The following ARHGAP15 variants were observed in gnomAD, a reference collection of about 807,000 sequenced individuals.
ARHGAP15 encodes the protein rho GTPase-activating protein 15.
ARHGAP15 carries 51 observed loss-of-function variants against 63.7 expected under a neutral mutation model. That is an observed-to-expected ratio of 0.80 (90% confidence interval 0.64 to 1.01). ARHGAP15 has a LOEUF of 1.01. Ranked by LOEUF, ARHGAP15 falls within the 50% of genes least tolerant of loss-of-function variation. ARHGAP15 has a pLI of 0.00. For missense variants in ARHGAP15, 560 were observed against 564.6 expected (o/e 0.99, Z 0.08); for synonymous variants, 191 against 193.8 (o/e 0.99, Z 0.12).
intron 2 of ARHGAP15, among the ~76,000 whole-genome samples, chr2:143,179,302 A>G (rs1344595266): frequency 2.0e-5 from 3 of 152,222 alleles, no homozygotes; most frequent in Admixed American, 1.3e-4. Flanking sequence ...AAAGAGCACT[A>G]TATCATAGAA....
chr2:143,202,807 C>A (rs996346668), intron 3 of ARHGAP15, among the ~76,000 whole-genome samples: 1 of 151,924 alleles, frequency 6.6e-6, no homozygotes, highest in Non-Finnish European at 1.5e-5. Flanking sequence ...AAAAATTAAT[C>A]GACTCAACAT....
chr2:143,305,750 G>A (rs922314207), intron 6 of ARHGAP15, among the ~76,000 whole-genome samples: 1 of 151,898 alleles, frequency 6.6e-6, no homozygotes. Context: ...TGAACTCTTT[G>A]GAAAAAATAA....
At chr2:143,191,649 G>C (rs1418848862) in intron 2 of ARHGAP15, among the ~76,000 whole-genome samples, 1 of 152,180 alleles carries the variant, frequency 6.6e-6, no homozygotes, top group African/African-American at 2.4e-5. Flanking sequence ...TGAGAGAAAT[G>C]ATTTATCAGG....
chr2:143,609,392 T>C (rs1287401324), intron 11 of ARHGAP15, among the ~76,000 whole-genome samples: 2 of 152,196 alleles, frequency 1.3e-5, no homozygotes, highest in Non-Finnish European at 2.9e-5. Flanking sequence ...AGTAGGAATT[T>C]CCATGCTTTT....
chr2:143,421,277 G>A (rs1457256479), intron 6 of ARHGAP15, among the ~76,000 whole-genome samples: 2 of 152,166 alleles, frequency 1.3e-5, no homozygotes, highest in Non-Finnish European at 2.9e-5. Context: ...CCCACACAGG[G>A]TTATTGATCA....
chr2:143,390,388 C>T (rs1687484563), intron 6 of ARHGAP15, among the ~76,000 whole-genome samples: 1 of 152,146 alleles, frequency 6.6e-6, no homozygotes, highest in Non-Finnish European at 1.5e-5. Context: ...AGCTAAAGCT[C>T]ATCTGTCCCT....
At chr2:143,535,846 T>C (rs1226615024) in intron 10 of ARHGAP15, among the ~76,000 whole-genome samples, 2 of 152,196 alleles carry the variant, frequency 1.3e-5, no homozygotes, top group African/African-American at 2.4e-5. Flanking sequence ...CTTGCCACTT[T>C]AGAAAGTCAC....
At chr2:143,626,383 G>A (rs758429595) in intron 12 of ARHGAP15, among the ~76,000 whole-genome samples, 17 of 152,168 alleles carry the variant, frequency 1.1e-4, no homozygotes, top group Non-Finnish European at 1.6e-4. Flanking sequence ...TATTGTGTCA[G>A]GACGTGGTTC....
At position 143,626,809 on chromosome 2, in the gene ARHGAP15, C is replaced by T. The variant is rs563141834; in HGVS notation, c.1138+2542C>T. On this transcript the variant is annotated intron_variant, in intron 12 of 13. Transcript: ENST00000295095. The stretch of plus-strand genomic sequence containing the variant: ...AAGACAGAAAAGTTCTCCAAGTCCC[C>T]GCTCGACCCAGGAATTCCAGCTGGC... Among the ~76,000 whole-genome samples, 28 of 152,216 alleles carry T rather than the reference C, an allele frequency of 1.8e-4. No individual in the cohort carries two copies. The East Asian group carries it at 3.9e-3, about 21-fold the overall frequency.
Position 143,483,097 on chromosome 2 carries a change from C to T in ARHGAP15, c.704-4276C>T, listed in dbSNP as rs145059050. On this transcript the variant is annotated intron_variant, in intron 8 of 13. Transcript: ENST00000295095. Reference sequence around the variant, plus strand: ...TTTCTCAGTATGTATGAGAAGGAAACAAGATAAAGCATTTAAAAACATATT... The same window carrying T: ...TTTCTCAGTATGTATGAGAAGGAAATAAGATAAAGCATTTAAAAACATATT... Among the ~76,000 whole-genome samples, 170 of 152,274 alleles carry T rather than the reference C, an allele frequency of 1.1e-3. 2 individuals are homozygous for T. In the Middle Eastern group the frequency reaches 0.017, roughly 15 times the overall value.
chr2:143,712,513 G>A (rs1347291524), intron 13 of ARHGAP15, among the ~76,000 whole-genome samples: 1 of 152,046 alleles, frequency 6.6e-6, no homozygotes, highest in Non-Finnish European at 1.5e-5. Context: ...TGCCTCCAAG[G>A]GACCGTGTGA....
chr2:143,176,411 A>G (rs1226104405), intron 2 of ARHGAP15, among the ~76,000 whole-genome samples: 2 of 152,196 alleles, frequency 1.3e-5, no homozygotes, highest in Admixed American at 1.3e-4. Context: ...ATTGATATTC[A>G]TATGCAGAAG....
At chr2:143,510,494 C>T (rs1259889327) in intron 9 of ARHGAP15, among the ~76,000 whole-genome samples, 3 of 152,200 alleles carry the variant, frequency 2.0e-5, no homozygotes, top group Admixed American at 1.3e-4. Flanking sequence ...AGAAGACAGT[C>T]GCTTTTTCTC....
chr2:143,652,389 T>C (rs1681214680), intron 12 of ARHGAP15, among the ~76,000 whole-genome samples: 1 of 152,096 alleles, frequency 6.6e-6, no homozygotes, highest in Non-Finnish European at 1.5e-5. Context: ...CCGCAGGTCA[T>C]AGTTTGCTGG....
intron 5 of ARHGAP15, among the ~76,000 whole-genome samples, chr2:143,231,716 G>A (rs939456866): frequency 6.6e-5 from 10 of 152,190 alleles, no homozygotes; most frequent in African/African-American, 2.4e-4. Context: ...ATGGCTGGGT[G>A]GCTTAAACCA....
At chr2:143,343,764 T>TG (rs1685157985) in intron 6 of ARHGAP15, among the ~76,000 whole-genome samples, 1 of 152,184 alleles carries the variant, frequency 6.6e-6, no homozygotes, top group East Asian at 1.9e-4. Flanking sequence ...GCATTAAAAT[T>TG]GGGGAGCTTT....
At chr2:143,421,946 T>A (rs1688942566) in intron 6 of ARHGAP15, among the ~76,000 whole-genome samples, 1 of 151,972 alleles carries the variant, frequency 6.6e-6, no homozygotes, top group South Asian at 2.1e-4. Flanking sequence ...AATGATTACT[T>A]CTTAACATGT....
At chr2:143,631,372 T>C (rs1301488379) in intron 12 of ARHGAP15, among the ~76,000 whole-genome samples, 3 of 152,116 alleles carry the variant, frequency 2.0e-5, no homozygotes, top group Non-Finnish European at 2.9e-5. Context: ...ATGGTAGGTA[T>C]ATATGAACTT....
At chr2:143,692,411 A>G (rs952479221) in intron 12 of ARHGAP15, among the ~76,000 whole-genome samples, 6 of 152,102 alleles carry the variant, frequency 3.9e-5, no homozygotes, top group Non-Finnish European at 8.8e-5. Flanking sequence ...TTAGCACTCA[A>G]CAATTCACCC....
Sources: allele counts gnomAD v4.1 joint callset (sites outside exome capture counted in the v4.1 genomes callset), GRCh38; gene constraint gnomAD v4.1.1; transcripts MANE v1.5; gene names NCBI Gene and HGNC (gene_info 2026-07-23, HGNC 2026-07-21).